The following SCRG1 variants were observed in gnomAD, a reference collection of about 807,000 sequenced individuals.
The protein encoded by SCRG1 is stimulator of chondrogenesis 1.
In SCRG1, 3 loss-of-function variants were observed where a neutral mutation model predicts 7.7. The observed-to-expected ratio is 0.39, with a 90% confidence interval of 0.18 to 1.01. The LOEUF is 1.01. Among genes scored for constraint, SCRG1 ranks in the 50% least tolerant of loss-of-function variants. The pLI is 0.36. For missense variants in SCRG1, 110 were observed against 117.2 expected, an observed-to-expected ratio of 0.94 and a Z score of 0.28; for synonymous variants, 46 against 41.2, an observed-to-expected ratio of 1.12 and a Z score of -0.44.
chr4:173,404,391 T>C (rs1341934806), exon 2 of SCRG1: 1 of 152,216 alleles, frequency 6.6e-6, no homozygotes, highest in East Asian at 1.9e-4. Flanking sequence ...AAACAGTTCT[T>C]AACTGGACAG....
At chr4:173,488,881 A>G in the SCRG1 span, among the ~76,000 whole-genome samples, 4 of 152,212 alleles carry the variant, frequency 2.6e-5, no homozygotes, top group African/African-American at 9.7e-5. Flanking sequence ...AACTCATGCC[A>G]TCTTGAGCTA....
chr4:173,447,402 A>G, the SCRG1 span, among the ~76,000 whole-genome samples: 1 of 152,214 alleles, frequency 6.6e-6, no homozygotes, highest in Admixed American at 6.5e-5. Flanking sequence ...ACAAACATTC[A>G]GTCCATCGCA....
the SCRG1 span, among the ~76,000 whole-genome samples, chr4:173,433,298 C>T: frequency 6.6e-6 from 1 of 152,174 alleles, no homozygotes; most frequent in Admixed American, 6.5e-5. Context: ...CAAGACTTCT[C>T]TGATCCTTTA....
At chr4:173,493,431 G>A in the SCRG1 span, among the ~76,000 whole-genome samples, 1 of 152,016 alleles carries the variant, frequency 6.6e-6, no homozygotes, top group Non-Finnish European at 1.5e-5. Flanking sequence ...GAATTTAGGA[G>A]CACTTTCATC....
the SCRG1 span, among the ~76,000 whole-genome samples, chr4:173,480,743 T>C: frequency 6.6e-6 from 1 of 152,174 alleles, no homozygotes; most frequent in Non-Finnish European, 1.5e-5. Context: ...TGGTATTTGG[T>C]TATGTTAAAA....
the SCRG1 span, chr4:173,468,296 A>G: frequency 6.6e-6 from 1 of 152,262 alleles, no homozygotes; most frequent in Admixed American, 6.5e-5. Context: ...GCTACAGGCT[A>G]TACTATATAG....
At chr4:173,423,865 G>A in the SCRG1 span, among the ~76,000 whole-genome samples, 5 of 152,162 alleles carry the variant, frequency 3.3e-5, no homozygotes, top group African/African-American at 1.2e-4. Flanking sequence ...CTCAGCCATT[G>A]ATGAGGGCCT....
chr4:173,477,722 C>A, the SCRG1 span, among the ~76,000 whole-genome samples: 1 of 35,648 alleles, frequency 2.8e-5, no homozygotes, highest in African/African-American at 5.1e-5. Flanking sequence ...TTCCTTCCTT[C>A]CTTCCTTCCT....
the SCRG1 span, among the ~76,000 whole-genome samples, chr4:173,491,059 G>A: frequency 6.6e-6 from 1 of 152,134 alleles, no homozygotes; most frequent in Non-Finnish European, 1.5e-5. Context: ...TCTCAATCTA[G>A]CTCTTATCAG....
At chr4:173,507,151 C>A in the SCRG1 span, among the ~76,000 whole-genome samples, 1 of 152,172 alleles carries the variant, frequency 6.6e-6, no homozygotes, top group Non-Finnish European at 1.5e-5. The surrounding 1 kb of genome is among the most constrained non-coding windows in gnomAD (Gnocchi z 4.4). Context: ...ATTAAGAAGG[C>A]CAGACTCTAC....
the SCRG1 span, among the ~76,000 whole-genome samples, chr4:173,449,025 AC>A: frequency 6.6e-6 from 1 of 152,244 alleles, no homozygotes; most frequent in Non-Finnish European, 1.5e-5. Flanking sequence ...CAAGGGAATC[AC>A]AGAGACAGGC....
At chr4:173,472,323 T>C in the SCRG1 span, among the ~76,000 whole-genome samples, 1 of 152,250 alleles carries the variant, frequency 6.6e-6, no homozygotes, top group Non-Finnish European at 1.5e-5. Context: ...GAAGCTGTGA[T>C]ACTTCGTGGA....
At chr4:173,479,450 T>TG in the SCRG1 span, among the ~76,000 whole-genome samples, 32 of 149,192 alleles carry the variant, frequency 2.1e-4, 1 homozygote, top group Admixed American at 6.7e-5. Context: ...TTTGTTTTTT[T>TG]TTTTTTTTGA....
chr4:173,482,442 T>A, the SCRG1 span, among the ~76,000 whole-genome samples: 1 of 152,134 alleles, frequency 6.6e-6, no homozygotes. Flanking sequence ...TTGCAGTAAC[T>A]TCCATCTAAA....
At chr4:173,483,830 T>TG in the SCRG1 span, among the ~76,000 whole-genome samples, 503 of 90,464 alleles carry the variant, frequency 5.6e-3, 41 homozygotes, top group Non-Finnish European at 7.4e-3. Context: ...ATAATATATA[T>TG]AATATATAAT....
the SCRG1 span, among the ~76,000 whole-genome samples, chr4:173,508,309 G>A: frequency 3.3e-5 from 5 of 152,208 alleles, no homozygotes; most frequent in African/African-American, 1.2e-4. The surrounding 1 kb of genome is among the most constrained non-coding windows in gnomAD (Gnocchi z 4.4). Flanking sequence ...AGAGGTACAT[G>A]GGCGCTTCTG....
At chr4:173,495,500 G>T in the SCRG1 span, among the ~76,000 whole-genome samples, 2 of 152,182 alleles carry the variant, frequency 1.3e-5, no homozygotes, top group Non-Finnish European at 2.9e-5. Flanking sequence ...CACTATGTGC[G>T]CATATGAAAA....
the SCRG1 span, among the ~76,000 whole-genome samples, chr4:173,414,171 C>G: frequency 6.6e-6 from 1 of 152,138 alleles, no homozygotes; most frequent in Non-Finnish European, 1.5e-5. Flanking sequence ...GGTCAGACCC[C>G]GGAACACTTT....
At chr4:173,452,448 T>A in the SCRG1 span, among the ~76,000 whole-genome samples, 1 of 152,100 alleles carries the variant, frequency 6.6e-6, no homozygotes, top group African/African-American at 2.4e-5. Context: ...CCCATGCAGT[T>A]CAAACTTGGG....
Sources: gnomAD v4.1 joint callset for allele counts (sites outside exome capture counted in the v4.1 genomes callset) on GRCh38, gnomAD v4.1.1 for gene constraint, Gnocchi (gnomAD v3.1) non-coding constraint, MANE v1.5 for transcripts, NCBI Gene and HGNC (gene_info 2026-07-23, HGNC 2026-07-21) for gene names.